The following MAGI1 variants were observed in gnomAD, a reference collection of about 807,000 sequenced individuals.
The protein encoded by MAGI1 is membrane-associated guanylate kinase, WW and PDZ domain-containing protein 1.
A neutral mutation model predicts 139.9 loss-of-function variants in MAGI1; 58 were observed. That is an observed-to-expected ratio of 0.41 (90% CI 0.34 to 0.52). MAGI1 has a LOEUF of 0.52. MAGI1 is among the 20% of genes least tolerant of loss of function. MAGI1 has a pLI of 0.12. For missense variants in MAGI1, 1,874 were observed against 1,901.6 expected, an observed-to-expected ratio of 0.99 and a Z score of 0.27; for synonymous variants, 812 against 737.9, an observed-to-expected ratio of 1.10 and a Z score of -1.63.
At position 65,593,726 on chromosome 3, in the gene MAGI1, C is replaced by G. The variant is rs188814780; in HGVS notation, c.430+28246G>C. On this transcript the variant is annotated intron_variant, in intron 2 of 22. Coordinates refer to ENST00000402939, the MANE Select transcript of MAGI1 (RefSeq NM_001033057.2). Reference sequence around the variant, plus strand: ...TCCATTCATTCAAGTATTTATTGAACGTGTATTACCTGCTAAGCATTGTGC... The same window carrying G: ...TCCATTCATTCAAGTATTTATTGAAGGTGTATTACCTGCTAAGCATTGTGC... 8.2e-4 allele frequency among the ~76,000 whole-genome samples: 124 copies of G among 152,106 alleles called. 1 individual carries two copies. The highest frequency in any genetic ancestry group is 8.1e-3 in the Admixed American group (124 of 15,278).
At chr3:65,847,288 A>G (rs1164584837) in intron 1 of MAGI1, among the ~76,000 whole-genome samples, 1 of 152,200 alleles carries the variant, frequency 6.6e-6, no homozygotes, top group Admixed American at 6.5e-5. Flanking sequence ...CAGATGGCTC[A>G]ATGCTTTAGA....
At chr3:65,645,615 G>A (rs2085215505) in intron 1 of MAGI1, among the ~76,000 whole-genome samples, 1 of 152,144 alleles carries the variant, frequency 6.6e-6, no homozygotes, top group African/African-American at 2.4e-5. Context: ...ACAATGAAAA[G>A]AGTAAAAGTA....
intron 1 of MAGI1, among the ~76,000 whole-genome samples, chr3:65,691,467 G>A (rs1255833628): frequency 6.6e-6 from 1 of 152,090 alleles, no homozygotes; most frequent in Non-Finnish European, 1.5e-5. Context: ...TATGGGCTCT[G>A]TAATATTCTA....
intron 12 of MAGI1, among the ~76,000 whole-genome samples, chr3:65,406,066 C>T (rs1945317169): frequency 2.0e-5 from 3 of 152,168 alleles, no homozygotes; most frequent in Non-Finnish European, 1.5e-5. Flanking sequence ...TATTTCAGAA[C>T]ATTTTGTTGC....
intron 1 of MAGI1, among the ~76,000 whole-genome samples, chr3:65,890,601 T>C (rs910600558): frequency 6.6e-6 from 1 of 152,156 alleles, no homozygotes; most frequent in Non-Finnish European, 1.5e-5. Context: ...TAACACCACA[T>C]CCAACGCAAA....
chr3:65,442,905 T>A, intron 7 of MAGI1, 56 bp from the exon 8 acceptor site: 1 of 1,372,994 alleles, frequency 7.3e-7, no homozygotes, highest in African/African-American at 1.4e-5. Flanking sequence ...AGAGCCTGGG[T>A]GTTTTCAACA....
chr3:65,566,201 C>T (rs570965544), intron 2 of MAGI1, among the ~76,000 whole-genome samples: 2 of 152,046 alleles, frequency 1.3e-5, no homozygotes, highest in Admixed American at 6.5e-5. Context: ...CTGCAGTGAG[C>T]TGAGACTGCA....
intron 22 of MAGI1, among the ~76,000 whole-genome samples, chr3:65,357,458 C>A (rs554632643): frequency 6.6e-6 from 1 of 152,114 alleles, no homozygotes; most frequent in Non-Finnish European, 1.5e-5. Context: ...ATCAAAATTT[C>A]CTCTCTGTAG....
intron 1 of MAGI1, among the ~76,000 whole-genome samples, chr3:65,880,119 G>T (rs1213216177): frequency 6.6e-6 from 1 of 152,180 alleles, no homozygotes; most frequent in African/African-American, 2.4e-5. Context: ...GCACACACCT[G>T]TAGTCCCAGC....
intron 1 of MAGI1, among the ~76,000 whole-genome samples, chr3:65,655,015 A>G (rs978073101): frequency 1.3e-5 from 2 of 152,220 alleles, no homozygotes; most frequent in East Asian, 1.9e-4. Context: ...TTTTATATCA[A>G]TTTCAAAAGG....
chr3:65,472,008 A>G (rs1950584987), intron 4 of MAGI1, among the ~76,000 whole-genome samples: 1 of 152,180 alleles, frequency 6.6e-6, no homozygotes, highest in African/African-American at 2.4e-5. Context: ...CTCTGATTTC[A>G]TACTTGAAAT....
intron 1 of MAGI1, among the ~76,000 whole-genome samples, chr3:65,879,691 T>C (rs954621111): frequency 2.6e-5 from 4 of 152,360 alleles, no homozygotes; most frequent in African/African-American, 9.6e-5. Context: ...GTTGATAGTC[T>C]AGGTACAATA....
chr3:65,744,087 T>C (rs1035331349), intron 1 of MAGI1, among the ~76,000 whole-genome samples: 4 of 152,218 alleles, frequency 2.6e-5, no homozygotes, highest in Non-Finnish European at 4.4e-5. Flanking sequence ...CAAATCAGTT[T>C]TTAGGAAAGG....
At chr3:65,472,230 G>A (rs1950597488) in intron 4 of MAGI1, among the ~76,000 whole-genome samples, 1 of 152,098 alleles carries the variant, frequency 6.6e-6, no homozygotes, top group African/African-American at 2.4e-5. Context: ...AAGAATTAAA[G>A]GAGTCACCTT....
At chr3:65,421,635 T>A (rs925558295) in intron 12 of MAGI1, among the ~76,000 whole-genome samples, 6 of 152,220 alleles carry the variant, frequency 3.9e-5, no homozygotes, top group African/African-American at 1.4e-4. Context: ...GTTTCTTCCA[T>A]TTTTTAGATT....
At chr3:65,966,251 A>G (rs2064734229) in intron 1 of MAGI1, among the ~76,000 whole-genome samples, 1 of 152,216 alleles carries the variant, frequency 6.6e-6, no homozygotes. Flanking sequence ...GTTAAAGCCC[A>G]TACAGCAAAA....
At chr3:65,891,524 A>G (rs968188748) in intron 1 of MAGI1, among the ~76,000 whole-genome samples, 5 of 152,032 alleles carry the variant, frequency 3.3e-5, no homozygotes, top group African/African-American at 1.2e-4. Flanking sequence ...TAAGGGACAG[A>G]AGTATTTTCT....
At chr3:65,542,268 C>G (rs1315316814) in intron 2 of MAGI1, among the ~76,000 whole-genome samples, 2 of 152,058 alleles carry the variant, frequency 1.3e-5, no homozygotes, top group African/African-American at 4.8e-5. Flanking sequence ...GGAAATAAGT[C>G]AGGACACAAA....
At chr3:65,387,121 A>G (rs1370913151) in intron 14 of MAGI1, 5 of 1,600,956 alleles carry the variant, frequency 3.1e-6, no homozygotes, top group Non-Finnish European at 2.6e-6. Flanking sequence ...CGGAGAGACA[A>G]AAGTTTTCAG....
Sources: allele counts gnomAD v4.1 joint callset (sites outside exome capture counted in the v4.1 genomes callset), GRCh38; gene constraint gnomAD v4.1.1; transcripts MANE v1.5; gene names NCBI Gene and HGNC (gene_info 2026-07-23, HGNC 2026-07-21).